Variants in RNGTT observed in about 807,000 individuals in gnomAD.
The protein encoded by RNGTT is RNA guanylyltransferase and 5'-phosphatase.
Under a neutral mutation model 79.3 loss-of-function variants are expected in RNGTT, and 33 were observed. That is an observed-to-expected ratio of 0.42 (90% CI 0.32 to 0.56). RNGTT has a LOEUF of 0.56. Ranked by LOEUF, RNGTT falls within the 20% of genes least tolerant of loss-of-function variation. RNGTT has a pLI of 0.17. For synonymous variants in RNGTT, 222 were observed against 235.9 expected (o/e 0.94, Z 0.54); for missense variants, 497 against 739.1 (o/e 0.67, Z 3.80).
chr6:88,711,038 T>G (rs1776301563), intron 13 of RNGTT, among the ~76,000 whole-genome samples: 1 of 152,194 alleles, frequency 6.6e-6, no homozygotes, highest in Non-Finnish European at 1.5e-5. Context: ...GAAAATCTAG[T>G]CTTGTTCTTA....
chr6:88,896,251 A>G (rs769243087), intron 6 of RNGTT, among the ~76,000 whole-genome samples: 15 of 152,128 alleles, frequency 9.9e-5, no homozygotes, highest in Non-Finnish European at 2.2e-4. Flanking sequence ...CTCCCAACCC[A>G]CAAAGATGGG....
At chr6:88,741,472 G>A (rs1364717280) in intron 13 of RNGTT, among the ~76,000 whole-genome samples, 1 of 152,106 alleles carries the variant, frequency 6.6e-6, no homozygotes, top group Non-Finnish European at 1.5e-5. Context: ...ATGCAAAACT[G>A]TTGAGTACTA....
intron 1 of RNGTT, among the ~76,000 whole-genome samples, chr6:88,961,323 ATGTG>A (rs537499568): frequency 5.3e-5 from 8 of 151,590 alleles, no homozygotes; most frequent in Non-Finnish European, 1.2e-4. Flanking sequence ...TTACGTCTGT[ATGTG>A]TGTGTGTGTA....
intron 11 of RNGTT, among the ~76,000 whole-genome samples, chr6:88,812,867 G>C (rs779150881): frequency 4.6e-5 from 7 of 152,154 alleles, no homozygotes; most frequent in Non-Finnish European, 8.8e-5. Flanking sequence ...AAACAAAACA[G>C]CAATTATATT....
chr6:88,835,367 TAC>T lies in RNGTT; in HGVS notation c.1269+8988_1269+8989del, dbSNP rs527295979. ...CAACTGACTCCCTCTAAGGGAAATG[TAC>T]AGAGTTCCAGACACAGACAAGCAGA... is the stretch of plus-strand genomic sequence containing the variant. On this transcript the variant is annotated intron_variant, in intron 11 of 15. Coordinates refer to ENST00000369485, the MANE Select transcript of RNGTT (RefSeq NM_003800.5). Among the ~76,000 whole-genome samples the T allele has an allele frequency of 1.2e-3, 186 of 152,222 alleles. 2 individuals are homozygous for T. Among genetic ancestry groups the T allele is most frequent in the African/African-American group, 4.3e-3 (177 of 41,520 alleles).
intron 14 of RNGTT, among the ~76,000 whole-genome samples, chr6:88,647,715 A>AAAAAAAAAGAAG (rs531898293): frequency 7.0e-6 from 1 of 142,484 alleles, no homozygotes; most frequent in African/African-American, 3.0e-5. Context: ...AAAAAAAAAA[A>AAAAAAAAAGAAG]AAGAAGAAGA....
chr6:88,923,495 C>G (rs1346768518), intron 4 of RNGTT, among the ~76,000 whole-genome samples: 1 of 152,196 alleles, frequency 6.6e-6, no homozygotes, highest in Non-Finnish European at 1.5e-5. Context: ...CAATCCTTGA[C>G]ACTAACAGAC....
intron 13 of RNGTT, among the ~76,000 whole-genome samples, chr6:88,707,034 G>C (rs1248124020): frequency 6.6e-6 from 1 of 152,158 alleles, no homozygotes; most frequent in Non-Finnish European, 1.5e-5. Context: ...GATGAATTAA[G>C]CTTAGCATTG....
chr6:88,923,848 TCA>T (rs2127951329), intron 4 of RNGTT, among the ~76,000 whole-genome samples: 1 of 152,372 alleles, frequency 6.6e-6, no homozygotes, highest in East Asian at 1.9e-4. Flanking sequence ...TATGGCCAGT[TCA>T]CAATTAAAAT....
At chr6:88,954,726 C>T (rs1785369925) in intron 1 of RNGTT, among the ~76,000 whole-genome samples, 3 of 151,656 alleles carry the variant, frequency 2.0e-5, no homozygotes, top group African/African-American at 7.3e-5. Flanking sequence ...TGAAAATTAG[C>T]TCCAAAAGGA....
At chr6:88,673,418 A>G (rs1774731840) in intron 14 of RNGTT, among the ~76,000 whole-genome samples, 1 of 152,240 alleles carries the variant, frequency 6.6e-6, no homozygotes, top group Non-Finnish European at 1.5e-5. Flanking sequence ...CCTTACTTTT[A>G]TAATCTAATG....
intron 6 of RNGTT, among the ~76,000 whole-genome samples, chr6:88,894,272 T>C (rs1483560255): frequency 6.6e-6 from 1 of 152,172 alleles, no homozygotes; most frequent in African/African-American, 2.4e-5. Context: ...GCATGAGCCA[T>C]GACATATTCC....
chr6:88,704,275 A>ACAAC (rs1776053609), intron 13 of RNGTT, among the ~76,000 whole-genome samples: 8 of 150,286 alleles, frequency 5.3e-5, no homozygotes, highest in African/African-American at 2.0e-4. Flanking sequence ...AAAAAAAAAA[A>ACAAC]AAAAAAAAAA....
intron 14 of RNGTT, among the ~76,000 whole-genome samples, chr6:88,668,208 C>CCAT (rs1461863000): frequency 4.6e-5 from 7 of 152,140 alleles, no homozygotes; most frequent in African/African-American, 1.7e-4. Context: ...GGATGCCAGA[C>CCAT]CATCATCCTG....
chr6:88,698,477 G>A (rs1775832665), intron 13 of RNGTT, among the ~76,000 whole-genome samples: 1 of 150,740 alleles, frequency 6.6e-6, no homozygotes, highest in Non-Finnish European at 1.5e-5. Flanking sequence ...TACCTTAACT[G>A]AGTCATTATA....
At chr6:88,837,587 G>A (rs187749610) in intron 11 of RNGTT, among the ~76,000 whole-genome samples, 16 of 151,798 alleles carry the variant, frequency 1.1e-4, no homozygotes, top group African/African-American at 3.9e-4. Flanking sequence ...AAAAAAAACT[G>A]GGCAGTACAA....
intron 11 of RNGTT, among the ~76,000 whole-genome samples, chr6:88,836,696 C>A (rs1452163986): frequency 6.6e-6 from 1 of 151,986 alleles, no homozygotes; most frequent in Non-Finnish European, 1.5e-5. Flanking sequence ...GAGTTGTCAT[C>A]AAACCACTCC....
intron 11 of RNGTT, among the ~76,000 whole-genome samples, chr6:88,808,720 G>A (rs1227407870): frequency 1.3e-5 from 2 of 151,926 alleles, no homozygotes; most frequent in Non-Finnish European, 2.9e-5. Context: ...GACCAGCCTG[G>A]GCAACATGGC....
intron 12 of RNGTT, among the ~76,000 whole-genome samples, chr6:88,798,070 GT>G (rs748429250): frequency 5.9e-5 from 9 of 151,714 alleles, no homozygotes; most frequent in Non-Finnish European, 1.3e-4. Context: ...CATTTAATTG[GT>G]TTTTTTAAAT....
Sources: gnomAD v4.1 joint callset for allele counts (sites outside exome capture counted in the v4.1 genomes callset) on GRCh38, gnomAD v4.1.1 for gene constraint, MANE v1.5 for transcripts, NCBI Gene and HGNC (gene_info 2026-07-23, HGNC 2026-07-21) for gene names.